Variants in CSMD1 observed in about 807,000 individuals in gnomAD.
CSMD1 encodes the protein CUB and sushi domain-containing protein 1.
Under a neutral mutation model 417.5 loss-of-function variants are expected in CSMD1, and 213 were observed. The observed-to-expected ratio is 0.51, with a 90% confidence interval of 0.46 to 0.57. CSMD1 has a LOEUF of 0.57. CSMD1 is among the 20% of genes least tolerant of loss of function. The pLI, the probability that CSMD1 is intolerant of heterozygous loss-of-function variation, is 0.00. For synonymous variants in CSMD1, 2,862 were observed against 1,736.8 expected, an observed-to-expected ratio of 1.65 and a Z score of -16.11; for missense variants, 6,923 against 4,529.7, an observed-to-expected ratio of 1.53 and a Z score of -15.17.
intron 3 of CSMD1, among the ~76,000 whole-genome samples, chr8:4,396,655 A>C (rs957960081): frequency 2.6e-5 from 4 of 151,998 alleles, no homozygotes; most frequent in African/African-American, 9.7e-5. Flanking sequence ...ATATCTATAT[A>C]TCTCCCCATA....
rs151189716 is a variant in CSMD1, at chr8:4,573,868, G to A, written c.302+63474C>T. Reference sequence around the variant, plus strand: ...GCAGTCTGGCTACAGTGGCTTTGCCGTGCAGTGGTGCGTTCTGCCCAGTTC... The same window carrying A: ...GCAGTCTGGCTACAGTGGCTTTGCCATGCAGTGGTGCGTTCTGCCCAGTTC... On this transcript the variant is annotated intron_variant, in intron 2 of 69. Coordinates refer to ENST00000635120, the MANE Select transcript of CSMD1 (RefSeq NM_033225.6). 1.8e-3 allele frequency among the ~76,000 whole-genome samples: 269 copies of A among 152,282 alleles called. 2 individuals are homozygous for A. Among genetic ancestry groups the A allele is most frequent in the African/African-American group, 5.8e-3 (241 of 41,562 alleles).
At chr8:3,105,171 C>T (rs768833249) in intron 46 of CSMD1, among the ~76,000 whole-genome samples, 1 of 152,158 alleles carries the variant, frequency 6.6e-6, no homozygotes, top group Non-Finnish European at 1.5e-5. Flanking sequence ...GTCTTTACAA[C>T]AATCTCAAAA....
At chr8:4,078,828 G>C (rs1398854823) in intron 3 of CSMD1, among the ~76,000 whole-genome samples, 1 of 147,168 alleles carries the variant, frequency 6.8e-6, no homozygotes, top group South Asian at 2.1e-4. Flanking sequence ...TTGAGGTCAG[G>C]AGTTCAAGAT....
chr8:4,958,651 T>C (rs1308408771), intron 1 of CSMD1, among the ~76,000 whole-genome samples: 1 of 152,192 alleles, frequency 6.6e-6, no homozygotes, highest in South Asian at 2.1e-4. Flanking sequence ...TGAACCAGTC[T>C]TTCTGGTTTT....
intron 3 of CSMD1, among the ~76,000 whole-genome samples, chr8:4,310,738 T>C (rs1388988713): frequency 6.6e-6 from 1 of 151,760 alleles, no homozygotes; most frequent in African/African-American, 2.4e-5. Flanking sequence ...ATGGAGAGAG[T>C]AGCTCCAGCA....
chr8:3,284,598 C>G (rs1253916063), intron 25 of CSMD1: 14 of 477,678 alleles, frequency 2.9e-5, no homozygotes, highest in Admixed American at 3.5e-5. Flanking sequence ...AGATGCTGAG[C>G]TATCCATTTT....
chr8:4,260,895 T>C (rs1016189421), intron 3 of CSMD1, among the ~76,000 whole-genome samples: 1 of 152,230 alleles, frequency 6.6e-6, no homozygotes, highest in Non-Finnish European at 1.5e-5. Context: ...TTTGATATTA[T>C]GATAGGAACA....
chr8:3,296,748 G>T (rs984360645), intron 25 of CSMD1, among the ~76,000 whole-genome samples: 1 of 152,132 alleles, frequency 6.6e-6, no homozygotes, highest in Non-Finnish European at 1.5e-5. Flanking sequence ...GGCCCTGTAG[G>T]TTTGTCCCTC....
chr8:3,770,062 C>G (rs1292483270), intron 5 of CSMD1, among the ~76,000 whole-genome samples: 2 of 152,186 alleles, frequency 1.3e-5, no homozygotes, highest in Non-Finnish European at 2.9e-5. Flanking sequence ...TCAGGGAAGG[C>G]TTGCGTCTCT....
intron 5 of CSMD1, among the ~76,000 whole-genome samples, chr8:3,757,707 G>C (rs576508356): frequency 6.6e-6 from 1 of 151,908 alleles, no homozygotes; most frequent in African/African-American, 2.4e-5. Flanking sequence ...TACTTAGCTG[G>C]GCATGGTGGC....
intron 5 of CSMD1, among the ~76,000 whole-genome samples, chr8:3,976,794 A>G (rs975807743): frequency 2.0e-5 from 3 of 152,176 alleles, no homozygotes; most frequent in African/African-American, 7.2e-5. Flanking sequence ...ATGCTGCTCA[A>G]GGTCGCATGC....
At chr8:3,220,406 C>T (rs1429740276) in intron 28 of CSMD1, among the ~76,000 whole-genome samples, 1 of 152,156 alleles carries the variant, frequency 6.6e-6, no homozygotes, top group African/African-American at 2.4e-5. Context: ...CTGTGTTTGC[C>T]ATTGGTGATG....
At chr8:4,005,181 A>G (rs2688368) in intron 4 of CSMD1, among the ~76,000 whole-genome samples, 90,631 of 151,970 alleles carry the variant, frequency 0.6, 27,340 homozygotes, top group South Asian at 0.74. Context: ...AACATATATG[A>G]TGCAGTGCAT....
chr8:4,940,176 C>A (rs564237219), intron 1 of CSMD1, among the ~76,000 whole-genome samples: 1 of 152,130 alleles, frequency 6.6e-6, no homozygotes, highest in South Asian at 2.1e-4. Context: ...AAGATATTGA[C>A]TGACCTATTT....
At chr8:4,111,707 G>T (rs183926500) in intron 3 of CSMD1, among the ~76,000 whole-genome samples, 3 of 152,244 alleles carry the variant, frequency 2.0e-5, no homozygotes, top group Non-Finnish European at 2.9e-5. Flanking sequence ...CTTATAAGTG[G>T]GAGCTGAACA....
intron 7 of CSMD1, among the ~76,000 whole-genome samples, chr8:3,624,885 G>A (rs1345717862): frequency 6.6e-6 from 1 of 152,154 alleles, no homozygotes; most frequent in Non-Finnish European, 1.5e-5. Flanking sequence ...TTGATTTGCA[G>A]GAGGTTTATA....
intron 5 of CSMD1, among the ~76,000 whole-genome samples, chr8:3,862,853 G>C (rs1344406450): frequency 6.6e-6 from 1 of 152,064 alleles, no homozygotes; most frequent in East Asian, 1.9e-4. Context: ...AAAATCTCTT[G>C]GTCATTAGTT....
intron 2 of CSMD1, among the ~76,000 whole-genome samples, chr8:4,545,309 T>G (rs1306053791): frequency 6.6e-6 from 1 of 152,210 alleles, no homozygotes; most frequent in Non-Finnish European, 1.5e-5. Flanking sequence ...GACTCAACAG[T>G]TTCTAACACC....
chr8:3,370,862 G>C (rs1230576796), intron 18 of CSMD1, among the ~76,000 whole-genome samples: 1 of 152,026 alleles, frequency 6.6e-6, no homozygotes, highest in Non-Finnish European at 1.5e-5. Context: ...TACAATTCCA[G>C]CTATTCAGAA....
Sources: allele counts gnomAD v4.1 joint callset (sites outside exome capture counted in the v4.1 genomes callset), GRCh38; gene constraint gnomAD v4.1.1; transcripts MANE v1.5; gene names NCBI Gene and HGNC (gene_info 2026-07-23, HGNC 2026-07-21).